CMIP: variants seen among roughly 807,000 people sequenced by gnomAD.
CMIP encodes the protein C-Maf-inducing protein.
CMIP carries 13 observed loss-of-function variants against 97.3 expected under a neutral mutation model. The ratio of observed to expected loss-of-function variants is 0.13; its 90% CI spans 0.09 to 0.21. The LOEUF (loss-of-function observed/expected upper bound fraction) is 0.21, where lower values mean the gene tolerates loss of function less well. CMIP is among the 10% of genes least tolerant of loss of function. The pLI is 1.00. For synonymous variants in CMIP, 538 were observed against 436.3 expected (o/e 1.23, Z -2.91); for missense variants, 847 against 1,024.9 (o/e 0.83, Z 2.37).
At chr16:81,670,479 G>A (rs2092672029) in intron 8 of CMIP, among the ~76,000 whole-genome samples, 1 of 152,096 alleles carries the variant, frequency 6.6e-6, no homozygotes, top group Non-Finnish European at 1.5e-5. Context: ...ACATGTTTAG[G>A]ACTCTGTCCC....
chr16:81,537,104 A>C (rs2090357292), intron 1 of CMIP, among the ~76,000 whole-genome samples: 2 of 152,136 alleles, frequency 1.3e-5, no homozygotes, highest in Admixed American at 1.3e-4. Context: ...AAACTTCAGG[A>C]CCAGTCATGG....
At chr16:81,553,829 A>G (rs1318026941) in intron 1 of CMIP, among the ~76,000 whole-genome samples, 2 of 152,268 alleles carry the variant, frequency 1.3e-5, no homozygotes, top group South Asian at 2.1e-4. Context: ...AAAGATAGAC[A>G]AATTGCTGGT....
intron 16 of CMIP, 128 bp from the exon 17 acceptor site, chr16:81,702,494 G>C: frequency 1.0e-6 from 1 of 954,120 alleles, no homozygotes; most frequent in South Asian, 1.4e-5. Context: ...CTGAGACCAA[G>C]ACCACCGTGT....
At chr16:81,580,475 C>G (rs569598376) in intron 1 of CMIP, among the ~76,000 whole-genome samples, 14 of 151,542 alleles carry the variant, frequency 9.2e-5, no homozygotes, top group African/African-American at 2.2e-4. Context: ...ACTCTGTCAC[C>G]CAGGCTGGAG....
chr16:81,664,200 G>C (rs1182408023), intron 6 of CMIP, 69 bp from the exon 7 acceptor site: 6 of 1,465,224 alleles, frequency 4.1e-6, no homozygotes, highest in South Asian at 2.6e-5. Context: ...CCCCAGCCCT[G>C]CTAGCAGCCA....
chr16:81,656,436 C>A (rs552879294), intron 4 of CMIP, among the ~76,000 whole-genome samples: 1 of 152,288 alleles, frequency 6.6e-6, no homozygotes, highest in Admixed American at 6.5e-5. Flanking sequence ...TTAGGAAATA[C>A]GAATTGGCAC....
chr16:81,494,669 C>G (rs1252256577), intron 1 of CMIP, among the ~76,000 whole-genome samples: 1 of 151,792 alleles, frequency 6.6e-6, no homozygotes, highest in East Asian at 1.9e-4. Context: ...GGTCACACAG[C>G]AGGACATGGT....
chr16:81,705,605 G>A lies in CMIP; in HGVS notation c.2197+1G>A. 6.3e-7 allele frequency: 1 copy of A among 1,590,352 alleles called. No homozygotes were observed. The highest frequency in any genetic ancestry group is 8.6e-7 in the Non-Finnish European group (1 of 1,168,518). On this transcript the variant is annotated splice_donor_variant, in intron 19 of 20. Coordinates refer to ENST00000537098, the MANE Select transcript of CMIP (RefSeq NM_198390.3). LOFTEE classifies it high-confidence loss of function. Reference sequence around the variant, plus strand: ...GACGCTGGCCTGCTGGCCCTGAGCTGTGAGTGCCTCCGGGGCAGCTGGGGG... The same window carrying A: ...GACGCTGGCCTGCTGGCCCTGAGCTATGAGTGCCTCCGGGGCAGCTGGGGG...
At chr16:81,660,831 C>G (rs1158723263) in intron 5 of CMIP, 53 bp from the exon 6 acceptor site, 2 of 1,602,288 alleles carry the variant, frequency 1.2e-6, no homozygotes, top group African/African-American at 1.3e-5. Context: ...TGTTCGAAGT[C>G]TTTCCGTGGC....
At chr16:81,531,934 T>C (rs1158834396) in intron 1 of CMIP, among the ~76,000 whole-genome samples, 9 of 152,226 alleles carry the variant, frequency 5.9e-5, no homozygotes, top group Admixed American at 5.9e-4. Context: ...TGGGTTTGGT[T>C]TGTCTTCTAA....
intron 1 of CMIP, among the ~76,000 whole-genome samples, chr16:81,605,441 C>T (rs1044082250): frequency 3.3e-5 from 5 of 152,348 alleles, no homozygotes; most frequent in Non-Finnish European, 7.4e-5. Flanking sequence ...GTCCCCCTGC[C>T]ACCACTGTCT....
chr16:81,690,308 C>G (rs747329305), intron 10 of CMIP, among the ~76,000 whole-genome samples: 20 of 152,248 alleles, frequency 1.3e-4, no homozygotes, highest in East Asian at 1.2e-3. Context: ...TCTTCCATTT[C>G]TTTGTGTCCT....
intron 1 of CMIP, among the ~76,000 whole-genome samples, chr16:81,570,816 C>T (rs1437203111): frequency 2.6e-5 from 4 of 152,168 alleles, no homozygotes; most frequent in Non-Finnish European, 4.4e-5. Context: ...CCACCAAGGC[C>T]ACCAGTGATC....
chr16:81,449,263 A>G (rs1183134941), intron 1 of CMIP, among the ~76,000 whole-genome samples: 1 of 152,220 alleles, frequency 6.6e-6, no homozygotes, highest in Non-Finnish European at 1.5e-5. Context: ...TTCTCAAGCC[A>G]TAATTCATCA....
At chr16:81,613,732 G>A (rs1259490154) in intron 2 of CMIP, among the ~76,000 whole-genome samples, 1 of 152,194 alleles carries the variant, frequency 6.6e-6, no homozygotes, top group Admixed American at 6.5e-5. Flanking sequence ...GGTCTGTTGT[G>A]TGTGGACTTT....
chr16:81,699,663 C>T (rs4889369), intron 14 of CMIP, 22 bp from the exon 15 acceptor site: 140,631 of 1,523,640 alleles, frequency 0.092, 7,090 homozygotes, highest in East Asian at 0.17. Context: ...TGTCCCTTCA[C>T]CTGGGCCTTC....
chr16:81,577,557 A>G (rs1184396543), intron 1 of CMIP, among the ~76,000 whole-genome samples: 6 of 147,528 alleles, frequency 4.1e-5, no homozygotes, highest in Admixed American at 3.3e-4. Context: ...TATTATCACT[A>G]TCACCATCAT....
intron 3 of CMIP, among the ~76,000 whole-genome samples, chr16:81,640,297 C>CA (rs199954620): frequency 6.6e-6 from 1 of 150,892 alleles, no homozygotes; most frequent in South Asian, 2.1e-4. Flanking sequence ...CCCCCCCCCC[C>CA]CCAATTCCCC....
At chr16:81,543,230 C>T (rs1404952023) in intron 1 of CMIP, among the ~76,000 whole-genome samples, 2 of 152,216 alleles carry the variant, frequency 1.3e-5, no homozygotes, top group East Asian at 3.9e-4. Flanking sequence ...CTGTGTGGTT[C>T]TGAGATGGCA....
Sources: allele counts gnomAD v4.1 joint callset (sites outside exome capture counted in the v4.1 genomes callset), GRCh38; gene constraint gnomAD v4.1.1; transcripts MANE v1.5; gene names NCBI Gene and HGNC (gene_info 2026-07-23, HGNC 2026-07-21).